Variants in PEBP4 observed in about 807,000 individuals in gnomAD.
PEBP4 encodes phosphatidylethanolamine binding protein 4.
A neutral mutation model predicts 23.9 loss-of-function variants in PEBP4; 22 were observed. That is an observed-to-expected ratio of 0.92 (90% CI 0.66 to 1.31). The LOEUF is 1.31. Ranked by LOEUF, PEBP4 falls within the 40% of genes most tolerant of loss-of-function variation. The pLI is 0.00. For missense variants in PEBP4, 324 were observed against 281.7 expected, an observed-to-expected ratio of 1.15 and a Z score of -1.07; for synonymous variants, 112 against 99.3, an observed-to-expected ratio of 1.13 and a Z score of -0.76.
chr8:22,851,900 G>A (rs1049405093), intron 3 of PEBP4, among the ~76,000 whole-genome samples: 6 of 152,096 alleles, frequency 3.9e-5, no homozygotes, highest in African/African-American at 7.2e-5. Flanking sequence ...CATTTACTCC[G>A]AGCACCTGGT....
At chr8:22,833,425 G>T (rs1280884477) in intron 3 of PEBP4, among the ~76,000 whole-genome samples, 1 of 152,164 alleles carries the variant, frequency 6.6e-6, no homozygotes, top group Admixed American at 6.5e-5. Context: ...TCCGCCTCAA[G>T]GGTTCAAGCG....
At chr8:22,922,999 A>T (rs1263711477) in intron 2 of PEBP4, among the ~76,000 whole-genome samples, 1 of 152,238 alleles carries the variant, frequency 6.6e-6, no homozygotes, top group East Asian at 1.9e-4. Flanking sequence ...TATCGGGGAC[A>T]TCACATATGT....
intron 4 of PEBP4, chr8:22,815,263 C>G (rs1478457708): frequency 6.6e-6 from 1 of 152,236 alleles, no homozygotes; most frequent in Non-Finnish European, 1.5e-5. Flanking sequence ...TTCCTTCAAT[C>G]TGCTCAACCC....
At chr8:22,873,488 G>A (rs1808053456) in intron 3 of PEBP4, among the ~76,000 whole-genome samples, 1 of 151,890 alleles carries the variant, frequency 6.6e-6, no homozygotes, top group Admixed American at 6.6e-5. Flanking sequence ...AAAATTAGCT[G>A]GGCTTAGTGG....
At chr8:22,726,364 C>T (rs1016949394) in intron 5 of PEBP4, among the ~76,000 whole-genome samples, 3 of 152,220 alleles carry the variant, frequency 2.0e-5, no homozygotes, top group Non-Finnish European at 2.9e-5. Context: ...GCACACTTGA[C>T]GCTGCCCAAA....
intron 3 of PEBP4, 65 bp downstream of exon 3, chr8:22,920,119 C>T: frequency 6.4e-7 from 1 of 1,567,056 alleles, no homozygotes; most frequent in South Asian, 1.2e-5. Context: ...CCCAGATGAG[C>T]AAGCCTGGAG....
intron 4 of PEBP4, among the ~76,000 whole-genome samples, chr8:22,808,937 AG>A (rs1806558396): frequency 6.6e-6 from 1 of 152,210 alleles, no homozygotes; most frequent in Non-Finnish European, 1.5e-5. Flanking sequence ...CTACCTGTCA[AG>A]TCTGATGCCC....
chr8:22,933,087 G>T (rs1809485426), intron 1 of PEBP4, among the ~76,000 whole-genome samples: 1 of 152,002 alleles, frequency 6.6e-6, no homozygotes, highest in African/African-American at 2.4e-5. Context: ...GTCTGGAGGA[G>T]ATAGTAGCTC....
chr8:22,845,842 G>A (rs1053314432), intron 3 of PEBP4, among the ~76,000 whole-genome samples: 1 of 152,238 alleles, frequency 6.6e-6, no homozygotes, highest in African/African-American at 2.4e-5. Flanking sequence ...TGGACAAGCT[G>A]CTCAGCTCCT....
At chr8:22,721,514 C>T (rs1002973704) in intron 6 of PEBP4, among the ~76,000 whole-genome samples, 7 of 152,124 alleles carry the variant, frequency 4.6e-5, no homozygotes, top group Non-Finnish European at 7.4e-5. Flanking sequence ...CCTTCTTCAC[C>T]CTAAGCCTGT....
At chr8:22,913,996 T>TC (rs920707808) in intron 3 of PEBP4, among the ~76,000 whole-genome samples, 1 of 150,810 alleles carries the variant, frequency 6.6e-6, no homozygotes, top group African/African-American at 2.4e-5. Flanking sequence ...TTTTTTTTTT[T>TC]TTTTTTTTTG....
intron 3 of PEBP4, among the ~76,000 whole-genome samples, chr8:22,914,362 C>T (rs534231090): frequency 9.9e-5 from 15 of 152,284 alleles, no homozygotes; most frequent in African/African-American, 2.9e-4. Context: ...TCCCAAAGTG[C>T]TGGGATTAGA....
intron 4 of PEBP4, among the ~76,000 whole-genome samples, chr8:22,768,500 G>T (rs1239301348): frequency 1.3e-5 from 2 of 152,186 alleles, no homozygotes; most frequent in Admixed American, 1.3e-4. Context: ...CCAATCCAAG[G>T]CCCCACGGTG....
chr8:22,819,752 G>A lies in PEBP4; in HGVS notation c.259-2017C>T, dbSNP rs192697144. On this transcript the variant is annotated intron_variant, in intron 3 of 6. Coordinates refer to ENST00000256404, the MANE Select transcript of PEBP4 (RefSeq NM_144962.3). Reference sequence around the variant, plus strand: ...CTCCCAAGTAGCTGGGACTACAGGCGCCCGCCACCACGCCCAGCTAATTTT... The same window carrying A: ...CTCCCAAGTAGCTGGGACTACAGGCACCCGCCACCACGCCCAGCTAATTTT... Among the ~76,000 whole-genome samples the A allele has an allele frequency of 3.3e-4, 50 of 152,096 alleles. 1 individual carries two copies. In the South Asian group the frequency reaches 5.0e-3, roughly 15 times the overall value.
chr8:22,883,490 G>C (rs1442075133), intron 3 of PEBP4, among the ~76,000 whole-genome samples: 1 of 151,632 alleles, frequency 6.6e-6, no homozygotes, highest in Non-Finnish European at 1.5e-5. Context: ...TCCCTCTCCA[G>C]GGAAGGTTGT....
At chr8:22,716,584 GTC>G (rs1266689430) in intron 6 of PEBP4, among the ~76,000 whole-genome samples, 1 of 152,234 alleles carries the variant, frequency 6.6e-6, no homozygotes, top group African/African-American at 2.4e-5. Context: ...GGTCTTGACA[GTC>G]ACTCTCTCCA....
chr8:22,866,422 C>T (rs1424584725), intron 3 of PEBP4, among the ~76,000 whole-genome samples: 2 of 152,110 alleles, frequency 1.3e-5, no homozygotes, highest in African/African-American at 2.4e-5. Context: ...ACTCACAGTC[C>T]GGTGAGAAAG....
At chr8:22,864,222 C>G (rs1016909766) in intron 3 of PEBP4, among the ~76,000 whole-genome samples, 1 of 152,216 alleles carries the variant, frequency 6.6e-6, no homozygotes, top group Non-Finnish European at 1.5e-5. Context: ...ACCTAGGACA[C>G]CTTACTTGAT....
chr8:22,924,967 C>T, intron 2 of PEBP4: 1 of 985,300 alleles, frequency 1.0e-6, no homozygotes, highest in Non-Finnish European at 1.2e-6. Context: ...TTAAGAGTTC[C>T]CTGGTAGACC....
Sources: gnomAD v4.1 joint callset for allele counts (sites outside exome capture counted in the v4.1 genomes callset) on GRCh38, gnomAD v4.1.1 for gene constraint, MANE v1.5 for transcripts, NCBI Gene and HGNC (gene_info 2026-07-23, HGNC 2026-07-21) for gene names.